Variants in SLC26A5 observed in about 807,000 individuals in gnomAD.
SLC26A5 encodes prestin.
In SLC26A5, 51 loss-of-function variants were observed where a neutral mutation model predicts 81.0. The observed-to-expected ratio is 0.63, with a 90% CI of 0.50 to 0.80. The LOEUF is 0.80. Ranked by LOEUF, SLC26A5 falls within the 30% of genes least tolerant of loss-of-function variation. The pLI, the probability that SLC26A5 is intolerant of heterozygous loss-of-function variation, is 0.00. For missense variants in SLC26A5, 771 were observed against 905.8 expected, an observed-to-expected ratio of 0.85 and a Z score of 1.91; for synonymous variants, 325 against 332.8, an observed-to-expected ratio of 0.98 and a Z score of 0.25.
intron 9 of SLC26A5, among the ~76,000 whole-genome samples, chr7:103,397,716 CAA>C (rs72106385): frequency 1.5e-3 from 182 of 118,514 alleles, no homozygotes; most frequent in Non-Finnish European, 2.2e-3. Context: ...GACTTCGTCT[CAA>C]AAAAAAAAAA....
intron 19 of SLC26A5, chr7:103,363,386 T>C: frequency 6.2e-7 from 1 of 1,614,098 alleles, no homozygotes; most frequent in Non-Finnish European, 8.5e-7. Flanking sequence ...TGTTGGTGGC[T>C]GTAAGGAACA....
At chr7:103,424,757 T>A (rs1825598609) in intron 2 of SLC26A5, among the ~76,000 whole-genome samples, 2 of 152,182 alleles carry the variant, frequency 1.3e-5, no homozygotes, top group Admixed American at 1.3e-4. Context: ...TGAATTATGA[T>A]GATCAAGTCT....
intron 2 of SLC26A5, among the ~76,000 whole-genome samples, chr7:103,441,532 T>A (rs1586416654): frequency 6.6e-6 from 1 of 152,216 alleles, no homozygotes; most frequent in East Asian, 1.9e-4. Flanking sequence ...GGTGTGAGGA[T>A]CATTTTTTAT....
chr7:103,421,772 G>A (rs1010376466), intron 2 of SLC26A5, among the ~76,000 whole-genome samples: 2 of 152,128 alleles, frequency 1.3e-5, no homozygotes, highest in South Asian at 2.1e-4. Context: ...CCCTCCCAGA[G>A]TAATAAATGG....
chr7:103,379,106 T>C (rs1294622568), intron 16 of SLC26A5, 137 bp downstream of exon 16: 3 of 679,448 alleles, frequency 4.4e-6, no homozygotes, highest in Non-Finnish European at 5.2e-6. Context: ...TTTTATGTTA[T>C]GTATATTTTA....
chr7:103,362,153 T>C, intron 19 of SLC26A5: 1 of 1,599,578 alleles, frequency 6.3e-7, no homozygotes, highest in East Asian at 2.2e-5. Flanking sequence ...ATTCATATCC[T>C]TGGCTTTGTA....
At chr7:103,381,513 C>G (rs574123172) in intron 14 of SLC26A5, among the ~76,000 whole-genome samples, 32 of 150,934 alleles carry the variant, frequency 2.1e-4, no homozygotes, top group African/African-American at 7.6e-4. Context: ...ACATGCCACA[C>G]ACAATACCAT....
In SLC26A5 at chr7:103,411,553, C is replaced by T. The variant is rs1388255646; in HGVS notation, c.437G>A (p.Gly146Asp). 1 of 1,614,060 alleles carries T rather than the reference C, an allele frequency of 6.2e-7. No individual in the cohort carries two copies. The highest frequency in any genetic ancestry group is 1.7e-5 in the Admixed American group (1 of 60,010). Residue 146 changes from glycine (G) to aspartate (D), a missense_variant, in exon 6 of 20, where the codon GGT becomes GAT. Transcript: ENST00000306312. ...PFAVISLMIG[G>D]VAVRLVPDDI... Reference sequence around the variant, plus strand: ...ATCTGGTACTAATCGAACAGCTACACCACCAATCATCAGGCTAATAACAGC... The same window carrying T: ...ATCTGGTACTAATCGAACAGCTACATCACCAATCATCAGGCTAATAACAGC...
chr7:103,413,885 G>A (rs1262040232), intron 4 of SLC26A5, among the ~76,000 whole-genome samples: 2 of 152,006 alleles, frequency 1.3e-5, no homozygotes, highest in African/African-American at 2.4e-5. Context: ...CTGCCCTTAT[G>A]TATGCACAGC....
At chr7:103,421,654 G>A in intron 2 of SLC26A5, 87 bp from the exon 3 acceptor site, 4 of 894,078 alleles carry the variant, frequency 4.5e-6, no homozygotes, top group South Asian at 4.3e-5. Context: ...GGTGTTCCAA[G>A]TTCTTCTGAG....
intron 7 of SLC26A5, 44 bp from the exon 8 acceptor site, chr7:103,408,047 C>T: frequency 6.2e-7 from 1 of 1,612,816 alleles, no homozygotes. Context: ...AGAAATCGCC[C>T]CTGAGAGAGA....
rs943781616 is a variant in SLC26A5 at position 103,367,239 on chromosome 7, A to C, written c.2041+9569T>G. On this transcript the variant is annotated intron_variant, in intron 19 of 19. Coordinates refer to the SLC26A5 transcript ENST00000339444. This position sits in a 1 kb window ranked among gnomAD's most constrained non-coding sequence, Gnocchi z 6.1. ...TGAATACTTTTGAAAGCAAAGATTC[A>C]CTTTCTAATTAGTTTTATATAAAGC... Among the ~76,000 whole-genome samples, 9 of 152,196 alleles carry C rather than the reference A, an allele frequency of 5.9e-5. No homozygotes were observed. The highest frequency in any genetic ancestry group is 2.2e-4 in the African/African-American group (9 of 41,462).
intron 8 of SLC26A5, among the ~76,000 whole-genome samples, chr7:103,402,155 C>T (rs1038670919): frequency 1.3e-5 from 2 of 152,054 alleles, no homozygotes; most frequent in African/African-American, 4.8e-5. Flanking sequence ...CTCTTTGTAC[C>T]TCTGGTAGAA....
At chr7:103,392,533 C>T (rs1335682793) in intron 10 of SLC26A5, among the ~76,000 whole-genome samples, 2 of 152,142 alleles carry the variant, frequency 1.3e-5, no homozygotes, top group African/African-American at 4.8e-5. Context: ...AGTTTTTCTA[C>T]CAAGATAGAT....
intron 2 of SLC26A5, among the ~76,000 whole-genome samples, chr7:103,437,817 T>C (rs1184107714): frequency 6.6e-6 from 1 of 152,112 alleles, no homozygotes; most frequent in Non-Finnish European, 1.5e-5. Context: ...GACTGAAGGG[T>C]ACAAAGTTTA....
At chr7:103,402,722 C>T (rs145925375) in intron 8 of SLC26A5, among the ~76,000 whole-genome samples, 142 of 152,086 alleles carry the variant, frequency 9.3e-4, no homozygotes, top group Non-Finnish European at 1.1e-3. Flanking sequence ...TCTGTGGGAG[C>T]AGTGGTGATA....
chr7:103,411,421 T>C lies in SLC26A5; in HGVS notation c.569A>G (p.Gln190Arg). 6.2e-7 allele frequency: 1 copy of C among 1,614,140 alleles called. No homozygotes were observed. The highest frequency in any genetic ancestry group is 8.5e-7 in the Non-Finnish European group (1 of 1,180,000). ...CATTTCCCCATCTTTGAGCCTTACC[T>C]GAATGATTCCTGAAAGTAAGGTCAC... Reference protein sequence around the residue: ...MSVTLLSGIIQFCLGVCRFGF... With the variant: ...MSVTLLSGIIRFCLGVCRFGF... The change falls in exon 6 of 20, where the codon CAG becomes CGG. Residue 190 changes from glutamine (Q) to arginine (R), a missense_variant and splice_region_variant. Coordinates refer to ENST00000306312, the MANE Select transcript of SLC26A5 (RefSeq NM_198999.3).
intron 19 of SLC26A5, among the ~76,000 whole-genome samples, chr7:103,357,605 C>T (rs1820111606): frequency 1.3e-5 from 2 of 152,150 alleles, no homozygotes; most frequent in Admixed American, 1.3e-4. Context: ...TTCCTATCCC[C>T]TCATCCTTCC....
chr7:103,426,030 T>C (rs1387398576), intron 2 of SLC26A5, among the ~76,000 whole-genome samples: 1 of 152,094 alleles, frequency 6.6e-6, no homozygotes, highest in African/African-American at 2.4e-5. Flanking sequence ...AAAAACTAAA[T>C]AGGGTGTAAA....
Sources: gnomAD v4.1 joint callset for allele counts (sites outside exome capture counted in the v4.1 genomes callset) on GRCh38, gnomAD v4.1.1 for gene constraint, Gnocchi (gnomAD v3.1) non-coding constraint, MANE v1.5 for transcripts, NCBI Gene and HGNC (gene_info 2026-07-23, HGNC 2026-07-21) for gene names.